SULT1C2: variants seen among roughly 807,000 people sequenced by gnomAD.
SULT1C2 encodes sulfotransferase 1C2.
In SULT1C2, 27 loss-of-function variants were observed where a neutral mutation model predicts 36.0. The ratio of observed to expected loss-of-function variants is 0.75; its 90% CI spans 0.55 to 1.03. SULT1C2 has a LOEUF of 1.03. SULT1C2 is among the 50% of genes least tolerant of loss of function. SULT1C2 has a pLI of 0.00. For missense variants in SULT1C2, 395 were observed against 359.2 expected (o/e 1.10, Z -0.80); for synonymous variants, 121 against 116.0 (o/e 1.04, Z -0.27).
In SULT1C2 at chr2:108,308,581, C is replaced by G. The variant is rs1292655095; in HGVS notation, c.*117C>G. On this transcript the variant is annotated 3_prime_UTR_variant, in exon 8 of 8. Coordinates refer to ENST00000251481, the MANE Select transcript of SULT1C2 (RefSeq NM_001056.4). The stretch of plus-strand genomic sequence containing the variant: ...TATTGTGAATGTATACAATGTAGTA[C>G]AAACAATCTCTGTGATGATTAACAG... 2.6e-6 allele frequency: 2 copies of G among 774,492 alleles called. No homozygotes were observed. Among genetic ancestry groups the G allele is most frequent in the African/African-American group, 3.5e-5 (2 of 56,372 alleles). The allele number at this position is 774,492 out of a possible 1,614,324, so 48.0% of individuals were successfully genotyped here.
Position 108,308,639 on chromosome 2 carries a change from C to A in SULT1C2, c.*175C>A. 1 of 530,414 alleles carries A rather than the reference C, an allele frequency of 1.9e-6. No individual in the cohort carries two copies. The highest frequency in any genetic ancestry group is 3.2e-6 in the Non-Finnish European group (1 of 309,880). The allele number at this position is 530,414 out of a possible 1,614,324, so 32.9% of individuals were successfully genotyped here. On this transcript the variant is annotated 3_prime_UTR_variant, in exon 8 of 8. Transcript: ENST00000251481. ...CCACTTCATTTTTTAAAAAGGATCA[C>A]GTCTAATGCCCATTTTCCCAACTAT...
intron 1 of SULT1C2, among the ~76,000 whole-genome samples, chr2:108,292,516 G>A (rs1369345049): frequency 1.3e-5 from 2 of 151,300 alleles, no homozygotes; most frequent in Admixed American, 6.6e-5. Context: ...AACATCATTA[G>A]ACATTAGGGG....
At position 108,304,577 on chromosome 2, in the gene SULT1C2, C is replaced by A. The variant is rs77241323; in HGVS notation, c.379C>A (p.Leu127Ile). ...PSFWENNCKFLYVARNAKDCM... is the reference protein window; with the variant it reads ...PSFWENNCKFIYVARNAKDCM... Reference sequence around the variant, plus strand: ...CACCTCTTTTCTTACCCCAAAGTTCCTTTATGTAGCTCGAAATGCCAAAGA... The same window carrying A: ...CACCTCTTTTCTTACCCCAAAGTTCATTTATGTAGCTCGAAATGCCAAAGA... The change falls in exon 5 of 8, where the codon CTT becomes ATT. Residue 127 changes from leucine to isoleucine, a missense_variant. Physicochemically the swap from Leu to Ile is conservative, Grantham distance 5. Transcript: ENST00000251481. 1.2e-6 allele frequency: 2 copies of A among 1,601,442 alleles called. No homozygotes were observed. Among genetic ancestry groups the A allele is most frequent in the Admixed American group, 1.8e-5 (1 of 56,372 alleles).
At chr2:108,295,101 T>C (rs1004316167) in intron 3 of SULT1C2, among the ~76,000 whole-genome samples, 1 of 152,124 alleles carries the variant, frequency 6.6e-6, no homozygotes. Flanking sequence ...TTGGAGCAAC[T>C]GTAGACAGAG....
In SULT1C2 at chr2:108,305,649, C is replaced by A. The variant is rs754580158; in HGVS notation, c.778+54C>A. 5 of 1,596,122 alleles carry A rather than the reference C, an allele frequency of 3.1e-6. No homozygotes were observed. The East Asian group carries it at 8.9e-5, about 29-fold the overall frequency. Reference sequence around the variant, plus strand: ...AGATTGTCTCGTAACATCCTGTCTGCCTCTTAGCAGACAATATTGAGTTTT... The same window carrying A: ...AGATTGTCTCGTAACATCCTGTCTGACTCTTAGCAGACAATATTGAGTTTT... On this transcript the variant is annotated intron_variant, in intron 7 of 7. Transcript: ENST00000251481.
chr2:108,291,619 A>T (rs964669166), intron 1 of SULT1C2, among the ~76,000 whole-genome samples: 6 of 152,138 alleles, frequency 3.9e-5, no homozygotes, highest in Non-Finnish European at 8.8e-5. Flanking sequence ...AAAAAAAAAC[A>T]AGAGGCAATT....
intron 7 of SULT1C2, among the ~76,000 whole-genome samples, chr2:108,306,939 A>AT (rs956628918): frequency 2.6e-5 from 4 of 151,656 alleles, no homozygotes; most frequent in African/African-American, 9.7e-5. Context: ...GTATAAAATT[A>AT]TATTTTTTAA....
rs1463411075 is a variant in SULT1C2, at chr2:108,305,409, C to G, written c.598-6C>G. On this transcript the variant is annotated splice_polypyrimidine_tract_variant and splice_region_variant and intron_variant, in intron 6 of 7. Transcript: ENST00000251481. The stretch of plus-strand genomic sequence containing the variant: ...TCATTCCAGTCCAATGTTACCCTTG[C>G]CGCAGGACCCAAAGCATGAAATTCG... The G allele has an allele frequency of 2.5e-6, 4 of 1,613,498 alleles. No homozygotes were observed. The highest frequency in any genetic ancestry group is 3.4e-6 in the Non-Finnish European group (4 of 1,179,602).
chr2:108,292,882 G>T (rs1335019111), intron 1 of SULT1C2, among the ~76,000 whole-genome samples: 1 of 152,096 alleles, frequency 6.6e-6, no homozygotes, highest in African/African-American at 2.4e-5. Context: ...TAGATGACTG[G>T]GTAAACAAAA....
intron 3 of SULT1C2, chr2:108,300,300 C>T (rs1456246134): frequency 1.3e-5 from 2 of 152,590 alleles, no homozygotes; most frequent in Non-Finnish European, 2.9e-5. Flanking sequence ...ACTGCTTGAA[C>T]CTGGGAAGCG....
intron 3 of SULT1C2, 31 bp from the exon 4 acceptor site, chr2:108,300,807 C>T (rs766168667): frequency 2.9e-5 from 46 of 1,614,012 alleles, no homozygotes; most frequent in Middle Eastern, 1.6e-4. Context: ...GCTTGTACTA[C>T]GCAGATGTTT....
intron 4 of SULT1C2, chr2:108,302,947 G>A (rs1356938492): frequency 6.6e-6 from 1 of 152,152 alleles, no homozygotes; most frequent in Non-Finnish European, 1.5e-5. Context: ...CTGGAGCTAA[G>A]AGCCAAGAGA....
intron 7 of SULT1C2, 25 bp downstream of exon 7, chr2:108,305,620 A>G: frequency 1.9e-6 from 3 of 1,613,608 alleles, no homozygotes; most frequent in Non-Finnish European, 2.5e-6. Flanking sequence ...TTTATCATAC[A>G]TTCAGATTGT....
chr2:108,297,598 C>T (rs1246601356), intron 3 of SULT1C2, among the ~76,000 whole-genome samples: 6 of 152,268 alleles, frequency 3.9e-5, no homozygotes, highest in East Asian at 3.9e-4. Context: ...ACACTCTCCA[C>T]GCTGTGCTTC....
In SULT1C2 at chr2:108,308,424, A is replaced by G; in HGVS notation, c.851A>G (p.Lys284Arg). 1 of 1,612,660 alleles carries G rather than the reference A, an allele frequency of 6.2e-7. No individual in the cohort carries two copies. The highest frequency in any genetic ancestry group is 1.3e-5 in the African/African-American group (1 of 74,760). Residue 284 changes from lysine to arginine, a missense_variant, in exon 8 of 8, where the codon AAG becomes AGG. By Grantham distance (26) the Lys-to-Arg change is conservative (BLOSUM62 2). Transcript: ENST00000251481. Reference protein sequence around the residue: ...NERFDEIYRRKMEGTSINFCM... With the variant: ...NERFDEIYRRRMEGTSINFCM... ...AGGTTTGATGAAATCTATAGAAGAAAGATGGAAGGAACCTCCATAAACTTC... is the reference window on the plus strand; with the variant it reads ...AGGTTTGATGAAATCTATAGAAGAAGGATGGAAGGAACCTCCATAAACTTC...
chr2:108,308,233 A>T, intron 7 of SULT1C2, 119 bp from the exon 8 acceptor site: 2 of 798,284 alleles, frequency 2.5e-6, no homozygotes, highest in Non-Finnish European at 4.1e-6. Flanking sequence ...CTGAAGGGGG[A>T]GTTGGGTGAG....
At position 108,309,893 on chromosome 2, in the gene SULT1C2, A is replaced by C. The variant is rs1214778369; in HGVS notation, c.*1429A>C. On this transcript the variant is annotated 3_prime_UTR_variant, in exon 8 of 8. Coordinates refer to ENST00000251481, the MANE Select transcript of SULT1C2 (RefSeq NM_001056.4). ...TAAGCACCTTTTTATTATGTAAATA[A>C]ATAAAAGTTATCTGTATCCCCACTG... 6.6e-6 allele frequency: 1 copy of C among 152,232 alleles called. No individual in the cohort carries two copies. Among genetic ancestry groups the C allele is most frequent in the African/African-American group, 2.4e-5 (1 of 41,458 alleles). The allele number at this position is 152,232 out of a possible 1,614,324, so 9.4% of individuals were successfully genotyped here. A position where few individuals can be genotyped will look rare whatever the true frequency, so the allele number is the denominator to read the frequency against.
Position 108,293,809 on chromosome 2 carries a change from C to A in SULT1C2, c.142C>A (p.Pro48Thr), listed in dbSNP as rs1676656695. 1 of 1,613,756 alleles carries A rather than the reference C, an allele frequency of 6.2e-7. No homozygotes were observed. The highest frequency in any genetic ancestry group is 1.1e-5 in the South Asian group (1 of 91,006). The change falls in exon 2 of 8, where the codon CCT (proline) becomes ACT (threonine). Residue 48 changes from proline to threonine, a missense_variant. Coordinates refer to ENST00000251481, the MANE Select transcript of SULT1C2 (RefSeq NM_001056.4). ...AGATGATCTCCTCATCTGCACCTACCCTAAAGCAGGTGATTGCAGGGTAGG... is the reference window on the plus strand; with the variant it reads ...AGATGATCTCCTCATCTGCACCTACACTAAAGCAGGTGATTGCAGGGTAGG... ...KPDDLLICTY[P>T]KAGTTWIQEI...
chr2:108,308,337 C>T lies in SULT1C2; in HGVS notation c.779-15C>T, dbSNP rs1034984324. The T allele has an allele frequency of 3.1e-6, 5 of 1,596,328 alleles. No individual in the cohort carries two copies. The highest frequency in any genetic ancestry group is 3.6e-5 in the Admixed American group (2 of 55,762). ...CAATCAGAGTGACACTCCTGTCTGG[C>T]CTTCCTTTTTCTAGGAACTGTGGGG... On this transcript the variant is annotated splice_polypyrimidine_tract_variant and intron_variant, in intron 7 of 7. Transcript: ENST00000251481.
Sources: allele counts gnomAD v4.1 joint callset (sites outside exome capture counted in the v4.1 genomes callset), GRCh38; gene constraint gnomAD v4.1.1; transcripts MANE v1.5; gene names NCBI Gene and HGNC (gene_info 2026-07-23, HGNC 2026-07-21).